DDOST: variants seen among roughly 807,000 people sequenced by gnomAD.
DDOST encodes dolichyl-diphosphooligosaccharide--protein glycosyltransferase 48 kDa subunit.
A neutral mutation model predicts 47.6 loss-of-function variants in DDOST; 25 were observed. The ratio of observed to expected loss-of-function variants is 0.53; its 90% CI spans 0.38 to 0.73. The LOEUF (loss-of-function observed/expected upper bound fraction) is 0.73. DDOST is among the 30% of genes least tolerant of loss of function. The probability of loss-of-function intolerance (pLI) is 0.00; values close to 1 mark genes in which losing one functional copy is unlikely to be tolerated. For missense variants in DDOST, 526 were observed against 573.9 expected, an observed-to-expected ratio of 0.92 and a Z score of 0.85; for synonymous variants, 275 against 236.0, an observed-to-expected ratio of 1.17 and a Z score of -1.51.
At chr1:20,653,268 C>T (rs1180087516) in intron 8 of DDOST, among the ~76,000 whole-genome samples, 1 of 152,236 alleles carries the variant, frequency 6.6e-6, no homozygotes, top group East Asian at 1.9e-4. Context: ...CGACATGTGC[C>T]AGGCACTTTC....
chr1:20,652,325 A>G lies in DDOST; in HGVS notation c.*54T>C. 1 of 1,485,284 alleles carries G rather than the reference A, an allele frequency of 6.7e-7. No homozygotes were observed. Among genetic ancestry groups the G allele is most frequent in the Non-Finnish European group, 9.0e-7 (1 of 1,117,158 alleles). The allele number at this position is 1,485,284 out of a possible 1,614,324, so 92.0% of individuals were successfully genotyped here. ...AAAGCAAAACAAAACCACCAATCCT[A>G]ATAACCCCCCTCCTTGCCCCGTCTC... is the stretch of plus-strand genomic sequence containing the variant. On this transcript the variant is annotated 3_prime_UTR_variant, in exon 11 of 11. Coordinates refer to ENST00000602624, the MANE Select transcript of DDOST (RefSeq NM_005216.5).
rs144656615 is a variant in DDOST at position 20,654,633 on chromosome 1, G to A, written c.626C>T (p.Pro209Leu). ...TGSSTSYSFFPDKPITQYPHA... is the reference protein window; with the variant it reads ...TGSSTSYSFFLDKPITQYPHA... Reference sequence around the variant, plus strand: ...CCTTACCTGGGTGATAGGCTTGTCCGGGAAGAAGGAGTAAGAGGTGGAAGA... The same window carrying A: ...CCTTACCTGGGTGATAGGCTTGTCCAGGAAGAAGGAGTAAGAGGTGGAAGA... The change falls in exon 6 of 11, where the codon CCG (proline) becomes CTG (leucine). Residue 209 changes from proline to leucine, a missense_variant. Pro to Leu is a moderately conservative substitution (Grantham distance 98). Coordinates refer to ENST00000602624, the MANE Select transcript of DDOST (RefSeq NM_005216.5). 8.2e-5 allele frequency: 129 copies of A among 1,563,750 alleles called. No individual in the cohort carries two copies. The highest frequency in any genetic ancestry group is 4.3e-4 in the South Asian group (37 of 85,062).
rs772143791 is a variant in DDOST at position 20,653,757 on chromosome 1, T to C, written c.812A>G (p.Asn271Ser). The change falls in exon 8 of 11, where the codon AAC (asparagine) becomes AGC (serine). Residue 271 changes from asparagine (N) to serine (S), a missense_variant. Coordinates refer to ENST00000602624, the MANE Select transcript of DDOST (RefSeq NM_005216.5). The part of the protein sequence containing the change: ...PGSQRYSQTG[N>S]YELAVALSRW... ...GGAGAGGGCCACAGCTAGTTCATAG[T>C]TGCCTGTCTGGGAATACCTGCAGGA... The C allele has an allele frequency of 1.9e-6, 3 of 1,613,484 alleles. No homozygotes were observed. In the African/African-American group the frequency reaches 4.0e-5, roughly 22 times the overall value.
intron 2 of DDOST, among the ~76,000 whole-genome samples, chr1:20,659,299 T>C (rs2053410851): frequency 6.6e-6 from 1 of 152,174 alleles, no homozygotes; most frequent in Non-Finnish European, 1.5e-5. Flanking sequence ...TTACACTCTC[T>C]GTCGTTTCTC....
At chr1:20,658,834 G>A (rs1416861408) in intron 2 of DDOST, among the ~76,000 whole-genome samples, 1 of 140,636 alleles carries the variant, frequency 7.1e-6, no homozygotes, top group Non-Finnish European at 1.6e-5. Context: ...TTAAAATGTT[G>A]TTTTAGTTTT....
At position 20,651,801 on chromosome 1, in the gene DDOST, T is replaced by TTTTATTTATTATTTATTTA. The variant is rs2053287656; in HGVS notation, c.*577_*578insTAAATAAATAATAAATAAA. 1 of 147,120 alleles carries TTTTATTTATTATTTATTTA rather than the reference T, an allele frequency of 6.8e-6. No homozygotes were observed. The highest frequency in any genetic ancestry group is 1.5e-5 in the Non-Finnish European group (1 of 67,138). 9.1% of individuals were successfully genotyped at this position (147,120 alleles called of 1,614,324 possible). ...GTTTGAGGGCAACATCTCGCTTTAT[T>TTTTATTTATTATTTATTTA]TTTATTTATTTATTTATTTATTTAT... On this transcript the variant is annotated 3_prime_UTR_variant, in exon 11 of 11. Transcript: ENST00000602624.
chr1:20,652,427 G>A lies in DDOST; in HGVS notation c.1272C>T (p.Ile424=). 1 of 1,613,976 alleles carries A rather than the reference G, an allele frequency of 6.2e-7. No homozygotes were observed. Among genetic ancestry groups the A allele is most frequent in the East Asian group, 2.2e-5 (1 of 44,880 alleles). The change falls in exon 11 of 11, where the codon ATC becomes ATT. Residue 424 remains isoleucine (I), a synonymous_variant. Transcript: ENST00000602624. ...TCATGTGCAAGAAGACGATGCTGAA[G>A]ATGAAGAGCCCCAGCATCATGGAGA... ...SAFSMMLGLF[I]FSIVFLHMKE...
intron 3 of DDOST, 37 bp downstream of exon 3, chr1:20,656,064 A>G: frequency 2.6e-6 from 4 of 1,544,246 alleles, no homozygotes; most frequent in Non-Finnish European, 3.6e-6. Context: ...CTCCCTGGAG[A>G]AGTGGAAAGC....
chr1:20,653,298 T>C (rs1176745445), intron 8 of DDOST, among the ~76,000 whole-genome samples: 3 of 152,236 alleles, frequency 2.0e-5, no homozygotes, highest in Non-Finnish European at 4.4e-5. Context: ...TGCTTCCATA[T>C]TCGCTTTCTC....
chr1:20,653,575 C>T, intron 8 of DDOST, 52 bp downstream of exon 8: 1 of 1,516,398 alleles, frequency 6.6e-7, no homozygotes. Flanking sequence ...CTGAGCTGAG[C>T]TCAGTCAGCT....
Position 20,655,698 on chromosome 1 carries a change from T to C in DDOST, c.434A>G (p.Tyr145Cys). The change falls in exon 4 of 11, where the codon TAT (tyrosine) becomes TGT (cysteine). Residue 145 changes from tyrosine (Y) to cysteine (C), a missense_variant. Tyr to Cys is a radical substitution (Grantham distance 194). Coordinates refer to ENST00000602624, the MANE Select transcript of DDOST (RefSeq NM_005216.5). ...EKTAVIDHHNYDISDLGQHTL... is the reference protein window; with the variant it reads ...EKTAVIDHHNCDISDLGQHTL... ...TACCTGGCCAAGGTCTGAGATGTCATAGTTGTGATGGTCAATGACAGCCGT... is the reference window on the plus strand; with the variant it reads ...TACCTGGCCAAGGTCTGAGATGTCACAGTTGTGATGGTCAATGACAGCCGT... The C allele has an allele frequency of 1.2e-6, 2 of 1,614,044 alleles. No homozygotes were observed. The highest frequency in any genetic ancestry group is 3.3e-4 in the Middle Eastern group (2 of 6,062).
chr1:20,654,741 C>T, intron 5 of DDOST, 34 bp from the exon 6 acceptor site: 1 of 1,462,364 alleles, frequency 6.8e-7, no homozygotes, highest in Non-Finnish European at 9.4e-7. Flanking sequence ...AGCACTGGCC[C>T]CAGGAACTGA....
At chr1:20,657,946 C>T (rs1307012172) in intron 2 of DDOST, among the ~76,000 whole-genome samples, 2 of 151,418 alleles carry the variant, frequency 1.3e-5, no homozygotes, top group East Asian at 2.0e-4. Flanking sequence ...ATTTCTTCGC[C>T]GTCACATAAC....
intron 2 of DDOST, among the ~76,000 whole-genome samples, chr1:20,656,752 T>C (rs1253960414): frequency 6.6e-6 from 1 of 152,196 alleles, no homozygotes; most frequent in African/African-American, 2.4e-5. Context: ...CCCAGTACAC[T>C]GCTTTTTAAA....
At chr1:20,654,100 C>T (rs2053334131) in intron 7 of DDOST, 123 bp downstream of exon 7, 1 of 1,174,950 alleles carries the variant, frequency 8.5e-7, no homozygotes, top group African/African-American at 1.6e-5. Context: ...AATCTGACAG[C>T]ACCTGAAACA....
In DDOST at chr1:20,661,310, C is replaced by G. The variant is rs2053432160; in HGVS notation, c.41G>C (p.Trp14Ser). 5 of 1,613,826 alleles carry G rather than the reference C, an allele frequency of 3.1e-6. No homozygotes were observed. Among genetic ancestry groups the G allele is most frequent in the Non-Finnish European group, 4.2e-6 (5 of 1,179,992 alleles). ...STAARAWALF[W>S]LLLPLLGAVC... ...CGCGCCAAGCAAGGGCAGCAGCAAC[C>G]AAAAGAGGGCCCAAGCCCGGGCCGC... The change falls in exon 1 of 11, where the codon TGG (tryptophan) becomes TCG (serine). Residue 14 changes from tryptophan to serine, a missense_variant. By Grantham distance (177) the Trp-to-Ser change is radical (BLOSUM62 -3). Coordinates refer to ENST00000602624, the MANE Select transcript of DDOST (RefSeq NM_005216.5).
intron 2 of DDOST, 82 bp from the exon 3 acceptor site, chr1:20,656,269 G>T: frequency 9.1e-7 from 1 of 1,099,994 alleles, no homozygotes; most frequent in Non-Finnish European, 1.4e-6. Context: ...GACATGAAGG[G>T]CAGAGCAGCC....
Position 20,661,188 on chromosome 1 carries a change from C to T in DDOST, c.154+9G>A. On this transcript the variant is annotated intron_variant, in intron 1 of 10. Coordinates refer to ENST00000602624, the MANE Select transcript of DDOST (RefSeq NM_005216.5). ...CCCCACACGCTACCCCCTCGGACCC[C>T]GCTCTCACCCTTCAGGCTCCGGAAG... 6.2e-7 allele frequency: 1 copy of T among 1,613,012 alleles called. No homozygotes were observed. The highest frequency in any genetic ancestry group is 8.5e-7 in the Non-Finnish European group (1 of 1,179,580).
intron 3 of DDOST, 37 bp from the exon 4 acceptor site, chr1:20,655,816 C>T: frequency 1.3e-6 from 2 of 1,572,684 alleles, no homozygotes; most frequent in Non-Finnish European, 1.7e-6. Context: ...TGAGCCCTTA[C>T]AGGGGGGCCT....
Sources: gnomAD v4.1 joint callset for allele counts (sites outside exome capture counted in the v4.1 genomes callset) on GRCh38, gnomAD v4.1.1 for gene constraint, MANE v1.5 for transcripts, NCBI Gene and HGNC (gene_info 2026-07-23, HGNC 2026-07-21) for gene names.